Variants in TNFRSF21 observed in about 807,000 individuals in gnomAD.
TNFRSF21 encodes tumor necrosis factor receptor superfamily member 21.
Under a neutral mutation model 45.6 loss-of-function variants are expected in TNFRSF21, and 19 were observed. The ratio of observed to expected loss-of-function variants is 0.42; its 90% CI spans 0.29 to 0.61. The LOEUF is 0.61. Among genes scored for constraint, TNFRSF21 ranks in the 20% least tolerant of loss-of-function variants. The pLI is 0.23. For missense variants in TNFRSF21, 737 were observed against 851.5 expected (o/e 0.87, Z 1.67); for synonymous variants, 314 against 335.5 (o/e 0.94, Z 0.70).
intron 5 of TNFRSF21, 46 bp from the exon 6 acceptor site, chr6:47,233,040 C>T (rs756617967): frequency 1.9e-6 from 3 of 1,578,062 alleles, no homozygotes; most frequent in Admixed American, 1.7e-5. Context: ...GGTGACTGTA[C>T]TGGCAAGGCC....
Position 47,265,833 on chromosome 6 carries a change from G to C in TNFRSF21, c.1244-12312C>G, listed in dbSNP as rs567137973. 2.0e-5 allele frequency among the ~76,000 whole-genome samples: 3 copies of C among 152,260 alleles called. 1 individual carries two copies. In the East Asian group the frequency reaches 5.8e-4, roughly 29 times the overall value. On this transcript the variant is annotated intron_variant, in intron 3 of 5. Transcript: ENST00000296861. ...CCTGATCTTGCCTATGCCGGTAGTA[G>C]CAAACACCCCATAAATTCATTTTAA... is the stretch of plus-strand genomic sequence containing the variant.
Position 47,253,487 on chromosome 6 carries a change from C to T in TNFRSF21, c.1278G>A (p.Val426=). Residue 426 remains valine, a synonymous_variant, in exon 4 of 6, where the codon GTG becomes GTA. Coordinates refer to ENST00000296861, the MANE Select transcript of TNFRSF21 (RefSeq NM_014452.5). ...GATAGATATCTTTCCACTGGCTTCCCACTTGGGCTGCTACAAGCTTCAGGA... is the reference window on the plus strand; with the variant it reads ...GATAGATATCTTTCCACTGGCTTCCTACTTGGGCTGCTACAAGCTTCAGGA... ...IDILKLVAAQ[V]GSQWKDIYQF... 1 of 1,613,326 alleles carries T rather than the reference C, an allele frequency of 6.2e-7. No individual in the cohort carries two copies. Among genetic ancestry groups the T allele is most frequent in the Non-Finnish European group, 8.5e-7 (1 of 1,180,038 alleles).
chr6:47,278,693 GGC>G (rs1762529639), intron 3 of TNFRSF21, among the ~76,000 whole-genome samples: 2 of 152,296 alleles, frequency 1.3e-5, no homozygotes, highest in South Asian at 4.1e-4. Context: ...AGTGACAGAT[GGC>G]GAGAGCTAAA....
chr6:47,247,767 G>A (rs950713578), intron 4 of TNFRSF21, among the ~76,000 whole-genome samples: 2 of 152,196 alleles, frequency 1.3e-5, no homozygotes, highest in Non-Finnish European at 2.9e-5. Flanking sequence ...ATAGTAGAGA[G>A]AGAGAGAGTG....
At chr6:47,302,784 C>T (rs1304115918) in intron 1 of TNFRSF21, among the ~76,000 whole-genome samples, 2 of 152,136 alleles carry the variant, frequency 1.3e-5, no homozygotes, top group African/African-American at 4.8e-5. Flanking sequence ...TCTCTCCTAC[C>T]AACAACTTGC....
Position 47,232,660 on chromosome 6 carries a change from A to ACACACACACACACAAAC in TNFRSF21, c.*104_*105insGTTTGTGTGTGTGTGTG. The ACACACACACACACAAAC allele has an allele frequency of 1.6e-6, 1 of 635,998 alleles. No homozygotes were observed. The allele number at this position is 635,998 out of a possible 1,614,324, so 39.4% of individuals were successfully genotyped here. A position where few individuals can be genotyped will look rare whatever the true frequency, so the allele number is the denominator to read the frequency against. On this transcript the variant is annotated 3_prime_UTR_variant, in exon 6 of 6. Coordinates refer to ENST00000296861, the MANE Select transcript of TNFRSF21 (RefSeq NM_014452.5). ...ACACACACACACACACACACACACA[A>ACACACACACACACAAAC]ACACACACACACACCCCAAACAACA... is the stretch of plus-strand genomic sequence containing the variant.
chr6:47,261,511 C>G (rs762466938), intron 3 of TNFRSF21, among the ~76,000 whole-genome samples: 3 of 152,220 alleles, frequency 2.0e-5, no homozygotes, highest in Non-Finnish European at 4.4e-5. Flanking sequence ...CAGGCCCACA[C>G]ACACCCTAGC....
chr6:47,265,824 C>A lies in TNFRSF21; in HGVS notation c.1244-12303G>T, dbSNP rs555256553. Among the ~76,000 whole-genome samples, 12 of 152,242 alleles carry A rather than the reference C, an allele frequency of 7.9e-5. No homozygotes were observed. In the South Asian group the frequency reaches 2.5e-3, roughly 32 times the overall value. On this transcript the variant is annotated intron_variant, in intron 3 of 5. Coordinates refer to ENST00000296861, the MANE Select transcript of TNFRSF21 (RefSeq NM_014452.5). Reference sequence around the variant, plus strand: ...AAATCACCTCCTGATCTTGCCTATGCCGGTAGTAGCAAACACCCCATAAAT... The same window carrying A: ...AAATCACCTCCTGATCTTGCCTATGACGGTAGTAGCAAACACCCCATAAAT...
intron 1 of TNFRSF21, among the ~76,000 whole-genome samples, chr6:47,290,222 C>G (rs1002211240): frequency 2.0e-5 from 3 of 152,064 alleles, no homozygotes; most frequent in Admixed American, 6.6e-5. Flanking sequence ...AGAACTGAAC[C>G]CAAGATCTGG....
In TNFRSF21 at chr6:47,232,698, A is replaced by G; in HGVS notation, c.*67T>C. On this transcript the variant is annotated 3_prime_UTR_variant, in exon 6 of 6. Coordinates refer to ENST00000296861, the MANE Select transcript of TNFRSF21 (RefSeq NM_014452.5). Reference sequence around the variant, plus strand: ...ACCCCAAACAACAAAAATCAGAAACAGAAGAAAATTAAAAAACCACCCTGC... The same window carrying G: ...ACCCCAAACAACAAAAATCAGAAACGGAAGAAAATTAAAAAACCACCCTGC... 1 of 1,450,954 alleles carries G rather than the reference A, an allele frequency of 6.9e-7. No individual in the cohort carries two copies. Among genetic ancestry groups the G allele is most frequent in the Non-Finnish European group, 9.6e-7 (1 of 1,041,964 alleles). The allele number at this position is 1,450,954 out of a possible 1,614,324, so 89.9% of individuals were successfully genotyped here.
intron 1 of TNFRSF21, among the ~76,000 whole-genome samples, chr6:47,302,122 A>G (rs565658815): frequency 6.6e-6 from 1 of 152,278 alleles, no homozygotes; most frequent in Non-Finnish European, 1.5e-5. Context: ...TTCCTAGTTT[A>G]CTCAGTCTCT....
chr6:47,276,380 T>G (rs1414788572), intron 3 of TNFRSF21, among the ~76,000 whole-genome samples: 1 of 152,224 alleles, frequency 6.6e-6, no homozygotes, highest in Non-Finnish European at 1.5e-5. Flanking sequence ...ACTTACCCCT[T>G]CAGCAGACTT....
intron 4 of TNFRSF21, among the ~76,000 whole-genome samples, chr6:47,240,944 T>G (rs1267851128): frequency 6.6e-6 from 1 of 152,218 alleles, no homozygotes; most frequent in African/African-American, 2.4e-5. Context: ...CGAATAAATA[T>G]AAAATTACAA....
intron 4 of TNFRSF21, among the ~76,000 whole-genome samples, chr6:47,246,193 C>T (rs935922489): frequency 6.6e-6 from 1 of 152,214 alleles, no homozygotes; most frequent in Non-Finnish European, 1.5e-5. Context: ...AGCACCCAGA[C>T]AGTGTTTGGG....
At chr6:47,241,295 C>T (rs1294277854) in intron 4 of TNFRSF21, among the ~76,000 whole-genome samples, 2 of 151,960 alleles carry the variant, frequency 1.3e-5, no homozygotes, top group Non-Finnish European at 1.5e-5. Context: ...TTCCTAAGTT[C>T]GGACACTGTA....
chr6:47,241,041 A>T (rs1764736906), intron 4 of TNFRSF21, among the ~76,000 whole-genome samples: 1 of 152,174 alleles, frequency 6.6e-6, no homozygotes, highest in African/African-American at 2.4e-5. Flanking sequence ...AGATTTCAAG[A>T]CCTTCTATAG....
chr6:47,255,704 C>A (rs1259419531), intron 3 of TNFRSF21, among the ~76,000 whole-genome samples: 1 of 152,176 alleles, frequency 6.6e-6, no homozygotes, highest in African/African-American at 2.4e-5. Context: ...CTCAGGTGAT[C>A]TGCCTGCCTT....
intron 4 of TNFRSF21, among the ~76,000 whole-genome samples, chr6:47,236,871 A>G (rs1404028100): frequency 6.6e-6 from 1 of 152,190 alleles, no homozygotes; most frequent in Non-Finnish European, 1.5e-5. Flanking sequence ...AATATAGTAC[A>G]CTGTTCTTGC....
At chr6:47,239,794 TTTCA>T (rs1342262325) in intron 4 of TNFRSF21, among the ~76,000 whole-genome samples, 1 of 152,188 alleles carries the variant, frequency 6.6e-6, no homozygotes, top group Non-Finnish European at 1.5e-5. Flanking sequence ...TCTGTGTTCC[TTTCA>T]TTCAAATTAT....
Sources: gnomAD v4.1 joint callset for allele counts (sites outside exome capture counted in the v4.1 genomes callset) on GRCh38, gnomAD v4.1.1 for gene constraint, MANE v1.5 for transcripts, NCBI Gene and HGNC (gene_info 2026-07-23, HGNC 2026-07-21) for gene names.